TMOD1: variants seen among roughly 807,000 people sequenced by gnomAD.
TMOD1 encodes the protein tropomodulin-1.
TMOD1 carries 17 observed loss-of-function variants against 40.6 expected under a neutral mutation model. The ratio of observed to expected loss-of-function variants is 0.42; its 90% CI spans 0.29 to 0.63. The LOEUF is 0.63. TMOD1 is among the 20% of genes least tolerant of loss of function. The probability of loss-of-function intolerance (pLI) is 0.22; values close to 1 mark genes in which losing one functional copy is unlikely to be tolerated. For synonymous variants in TMOD1, 181 were observed against 175.0 expected, an observed-to-expected ratio of 1.03 and a Z score of -0.27; for missense variants, 391 against 447.6, an observed-to-expected ratio of 0.87 and a Z score of 1.14.
At chr9:97,575,029 GATA>G (rs1830903266) in intron 8 of TMOD1, among the ~76,000 whole-genome samples, 1 of 152,026 alleles carries the variant, frequency 6.6e-6, no homozygotes, top group Non-Finnish European at 1.5e-5. Context: ...CAGGCTGCCG[GATA>G]ACGCAGTGGC....
At chr9:97,533,981 T>C (rs77585714) in intron 2 of TMOD1, among the ~76,000 whole-genome samples, 1,570 of 152,146 alleles carry the variant, frequency 0.01, 32 homozygotes, top group African/African-American at 0.036. Flanking sequence ...TGTAGCCCTA[T>C]AGCCATAATA....
At chr9:97,535,160 C>T (rs954755210) in intron 2 of TMOD1, among the ~76,000 whole-genome samples, 2 of 152,102 alleles carry the variant, frequency 1.3e-5, no homozygotes, top group East Asian at 1.9e-4. Flanking sequence ...TGAGCATCTC[C>T]GAGTATGCTG....
At chr9:97,568,835 G>T in intron 7 of TMOD1, 59 bp from the exon 8 acceptor site, 2 of 1,600,310 alleles carry the variant, frequency 1.2e-6, no homozygotes, top group South Asian at 2.2e-5. Flanking sequence ...TACCCAGAGG[G>T]GCCTCCAGCC....
rs114047071 is a variant in TMOD1, at chr9:97,571,856, C to G, written c.870+2819C>G. On this transcript the variant is annotated intron_variant, in intron 8 of 9. Coordinates refer to ENST00000259365, the MANE Select transcript of TMOD1 (RefSeq NM_003275.4). ...GGGCCTGAGCACTGGTCAGCACCACCCGCCATCCAGTGAGCCTCTTCTTTG... is the reference window on the plus strand; with the variant it reads ...GGGCCTGAGCACTGGTCAGCACCACGCGCCATCCAGTGAGCCTCTTCTTTG... 3.5e-3 allele frequency among the ~76,000 whole-genome samples: 536 copies of G among 152,328 alleles called. 2 individuals are homozygous for G. Among genetic ancestry groups the G allele is most frequent in the African/African-American group, 0.013 (521 of 41,584 alleles).
rs752981787 is a variant in TMOD1, at chr9:97,599,641, G to A, written c.1023G>A (p.Lys341=). The A allele has an allele frequency of 1.9e-6, 3 of 1,614,184 alleles. No individual in the cohort carries two copies. Among genetic ancestry groups the A allele is most frequent in the Non-Finnish European group, 2.5e-6 (3 of 1,180,020 alleles). Residue 341 remains lysine (K), a synonymous_variant, in exon 10 of 10, where the codon AAG becomes AAA. Coordinates refer to ENST00000259365, the MANE Select transcript of TMOD1 (RefSeq NM_003275.4). ...ATCTCCATTCCTTTCCAGTGAGGAA[G>A]AGGAGGCTTGCGGACCTGACTGGGC... is the stretch of plus-strand genomic sequence containing the variant. ...AMMNNNDLVR[K]RRLADLTGPI... is the part of the protein sequence containing the mutation.
intron 8 of TMOD1, among the ~76,000 whole-genome samples, chr9:97,576,838 A>G (rs1830949864): frequency 2.0e-5 from 3 of 151,418 alleles, no homozygotes; most frequent in South Asian, 2.1e-4. Context: ...ACCGGGTTTC[A>G]CCATGTTAGC....
Position 97,562,814 on chromosome 9 carries a change from G to C in TMOD1, c.480G>C (p.Gly160=), listed in dbSNP as rs756289120. Residue 160 remains glycine, a synonymous_variant, in exon 5 of 10, where the codon GGG becomes GGC. Transcript: ENST00000259365. ...LSSSSIMNKE[G]LNSVIKPTQY... The stretch of plus-strand genomic sequence containing the variant: ...GCAGCTCCATCATGAACAAGGAGGG[G>C]CTCAACAGTGAGTATGCGCCCGCCC... 6.3e-7 allele frequency: 1 copy of C among 1,584,236 alleles called. No individual in the cohort carries two copies. The highest frequency in any genetic ancestry group is 1.2e-5 in the South Asian group (1 of 85,412).
intron 7 of TMOD1, among the ~76,000 whole-genome samples, chr9:97,567,907 C>T (rs932682564): frequency 3.9e-5 from 6 of 152,284 alleles, no homozygotes; most frequent in African/African-American, 1.4e-4. Flanking sequence ...CAGGGCCCAC[C>T]GATCAGTATG....
At chr9:97,594,638 C>T (rs1377559654) in intron 9 of TMOD1, among the ~76,000 whole-genome samples, 2 of 152,190 alleles carry the variant, frequency 1.3e-5, no homozygotes, top group East Asian at 1.9e-4. Context: ...ATGAGGACAG[C>T]GACTGGCTCT....
chr9:97,569,017 G>A lies in TMOD1; in HGVS notation c.850G>A (p.Glu284Lys). The A allele has an allele frequency of 6.2e-7, 1 of 1,614,120 alleles. No individual in the cohort carries two copies. The highest frequency in any genetic ancestry group is 8.5e-7 in the Non-Finnish European group (1 of 1,180,014). The change falls in exon 8 of 10, where the codon GAA becomes AAA. Residue 284 changes from glutamate (E) to lysine (K), a missense_variant. Physicochemically the swap from Glu to Lys is moderately conservative, Grantham distance 56 (BLOSUM62 1). Coordinates refer to ENST00000259365, the MANE Select transcript of TMOD1 (RefSeq NM_003275.4). ...EALPYNTSLVEMKIDNQSQPL... is the reference protein window; with the variant it reads ...EALPYNTSLVKMKIDNQSQPL... ...CCTCCCATACAACACTTCTCTGGTG[G>A]AAATGAAAATTGACAACCAGGTGAG...
At chr9:97,531,617 A>C (rs1021802997) in intron 2 of TMOD1, among the ~76,000 whole-genome samples, 4 of 152,176 alleles carry the variant, frequency 2.6e-5, no homozygotes, top group African/African-American at 7.2e-5. Context: ...TCTCAAAAAC[A>C]GAGTTCTGAG....
intron 5 of TMOD1, 89 bp downstream of exon 5, chr9:97,562,910 C>G: frequency 9.2e-7 from 1 of 1,088,104 alleles, no homozygotes; most frequent in South Asian, 1.5e-5. Flanking sequence ...GAAGTTTTAA[C>G]ATGTTATATA....
At chr9:97,514,398 G>A (rs149082762) in intron 1 of TMOD1, among the ~76,000 whole-genome samples, 2,177 of 151,766 alleles carry the variant, frequency 0.014, 28 homozygotes, top group Middle Eastern at 0.02. Flanking sequence ...GATTACAGGC[G>A]TGAACCACCG....
chr9:97,564,190 T>A, intron 6 of TMOD1, 22 bp downstream of exon 6: 1 of 1,568,060 alleles, frequency 6.4e-7, no homozygotes. Flanking sequence ...TTATTTCACT[T>A]TACCTGTGTG....
chr9:97,578,756 T>C (rs913912), intron 8 of TMOD1, among the ~76,000 whole-genome samples: 74,649 of 152,064 alleles, frequency 0.49, 18,948 homozygotes, highest in African/African-American at 0.62. Context: ...CAATGCATGT[T>C]AAGGGGCTTT....
chr9:97,533,360 T>C (rs1277881661), intron 2 of TMOD1, among the ~76,000 whole-genome samples: 7 of 152,248 alleles, frequency 4.6e-5, no homozygotes, highest in Admixed American at 1.3e-4. Context: ...CCTGAGTATA[T>C]GATTTGTCCA....
intron 2 of TMOD1, among the ~76,000 whole-genome samples, 189 bp downstream of exon 2, chr9:97,524,497 G>GGTGTGTGT (rs71369515): frequency 0.095 from 13,550 of 142,786 alleles, 992 homozygotes; most frequent in African/African-American, 0.19. Flanking sequence ...GAACCAATAG[G>GGTGTGTGT]GTGTGTGTGT....
chr9:97,523,381 TG>T (rs1405095596), intron 1 of TMOD1, among the ~76,000 whole-genome samples: 1 of 152,112 alleles, frequency 6.6e-6, no homozygotes. Flanking sequence ...CGGCTCCCTC[TG>T]GGGGGAAATG....
At chr9:97,579,896 T>C (rs1825706235) in intron 8 of TMOD1, among the ~76,000 whole-genome samples, 1 of 152,092 alleles carries the variant, frequency 6.6e-6, no homozygotes, top group Admixed American at 6.5e-5. Flanking sequence ...GCAGTGCATA[T>C]TAAGGCAATA....
Sources: gnomAD v4.1 joint callset for allele counts (sites outside exome capture counted in the v4.1 genomes callset) on GRCh38, gnomAD v4.1.1 for gene constraint, MANE v1.5 for transcripts, NCBI Gene and HGNC (gene_info 2026-07-23, HGNC 2026-07-21) for gene names.